Variants in RAD51B observed in about 807,000 individuals in gnomAD.
RAD51B encodes DNA repair protein RAD51 homolog 2.
A neutral mutation model predicts 42.2 loss-of-function variants in RAD51B; 38 were observed. That is an observed-to-expected ratio of 0.90 (90% confidence interval 0.70 to 1.18). The LOEUF is 1.18. Among genes scored for constraint, RAD51B ranks in the 50% most tolerant of loss-of-function variants. The probability of loss-of-function intolerance (pLI) is 0.00; values close to 1 mark genes in which losing one functional copy is unlikely to be tolerated. For synonymous variants in RAD51B, 154 were observed against 145.2 expected (o/e 1.06, Z -0.43); for missense variants, 373 against 400.7 (o/e 0.93, Z 0.59).
intron 8 of RAD51B, among the ~76,000 whole-genome samples, chr14:68,307,315 A>G (rs2081887614): frequency 6.6e-6 from 1 of 152,192 alleles, no homozygotes; most frequent in African/African-American, 2.4e-5. Context: ...ATCATCTCTT[A>G]AAACTTAATT....
chr14:68,376,862 C>A, intron 8 of RAD51B, among the ~76,000 whole-genome samples: 1 of 152,174 alleles, frequency 6.6e-6, no homozygotes. Context: ...TGACCAAAAT[C>A]ATTGATTGGC....
chr14:68,566,819 T>G (rs1033444077), intron 10 of RAD51B, among the ~76,000 whole-genome samples: 2 of 152,152 alleles, frequency 1.3e-5, no homozygotes, highest in Non-Finnish European at 2.9e-5. Flanking sequence ...GCTTTCAAGA[T>G]TCTTCATTAT....
At position 68,557,589 on chromosome 14, in the gene RAD51B, G is replaced by T. The variant is rs569448100; in HGVS notation, c.1037-36896G>T. ...GTGCACATGGAGCCCCTAAATCATT[G>T]CTGACTGAGTAGATTTCCCAGGGTA... On this transcript the variant is annotated intron_variant, in intron 10 of 10. Coordinates refer to the RAD51B transcript ENST00000487270. Among the ~76,000 whole-genome samples, 23 of 152,310 alleles carry T rather than the reference G, an allele frequency of 1.5e-4. No individual in the cohort carries two copies. The South Asian group carries it at 4.6e-3, about 30-fold the overall frequency.
chr14:67,851,596 G>A (rs1753530596), intron 4 of RAD51B, among the ~76,000 whole-genome samples: 1 of 152,098 alleles, frequency 6.6e-6, no homozygotes. Context: ...CCTGGGGGCA[G>A]CAGGGGTGGC....
chr14:68,243,294 AAAAT>A (rs2080430461), intron 7 of RAD51B, among the ~76,000 whole-genome samples: 1 of 152,236 alleles, frequency 6.6e-6, no homozygotes, highest in African/African-American at 2.4e-5. Context: ...CGAAGGTTAA[AAAAT>A]AAAGCATTAT....
intron 7 of RAD51B, among the ~76,000 whole-genome samples, chr14:68,004,414 T>C (rs771191909): frequency 2.0e-5 from 3 of 151,872 alleles, no homozygotes; most frequent in Non-Finnish European, 4.4e-5. Context: ...GTAGTTTTTG[T>C]TTGTAGTACC....
chr14:67,844,794 A>G (rs2041555498), intron 4 of RAD51B, among the ~76,000 whole-genome samples: 1 of 151,470 alleles, frequency 6.6e-6, no homozygotes. Flanking sequence ...AACAGGCCCC[A>G]GTGTGTGATG....
chr14:68,337,651 G>A (rs1398653600), intron 8 of RAD51B, among the ~76,000 whole-genome samples: 1 of 152,200 alleles, frequency 6.6e-6, no homozygotes, highest in East Asian at 1.9e-4. Context: ...CAGACCAGCT[G>A]AATCAGAATC....
intron 8 of RAD51B, among the ~76,000 whole-genome samples, chr14:68,409,579 T>C (rs2084366200): frequency 6.6e-6 from 1 of 152,060 alleles, no homozygotes; most frequent in African/African-American, 2.4e-5. Context: ...GGCCAGTAGA[T>C]TGGATGCCAA....
chr14:68,151,823 CTTTT>C (rs71129868), intron 7 of RAD51B, among the ~76,000 whole-genome samples: 1 of 39,992 alleles, frequency 2.5e-5, no homozygotes, highest in African/African-American at 9.4e-5. Flanking sequence ...GTTATAAAGA[CTTTT>C]TTTTTTTTTT....
At chr14:68,266,034 T>C (rs2080985516) in intron 7 of RAD51B, among the ~76,000 whole-genome samples, 1 of 152,232 alleles carries the variant, frequency 6.6e-6, no homozygotes, top group African/African-American at 2.4e-5. Flanking sequence ...AAATTTGTTC[T>C]TTATTTGTAT....
At chr14:68,072,948 C>A (rs1595360826) in intron 7 of RAD51B, among the ~76,000 whole-genome samples, 1 of 152,078 alleles carries the variant, frequency 6.6e-6, no homozygotes, top group African/African-American at 2.4e-5. Flanking sequence ...GCTTTGTGTT[C>A]TAGTGTGTGG....
intron 8 of RAD51B, among the ~76,000 whole-genome samples, chr14:68,354,162 T>C (rs926913296): frequency 7.9e-5 from 12 of 152,158 alleles, no homozygotes; most frequent in African/African-American, 2.7e-4. Context: ...GTGGTGTGTA[T>C]ATTATAAGAA....
chr14:68,414,136 A>T (rs2084489424), intron 9 of RAD51B, among the ~76,000 whole-genome samples: 1 of 152,150 alleles, frequency 6.6e-6, no homozygotes, highest in Admixed American at 6.5e-5. Context: ...CAAGAGCTGA[A>T]TTGTGTTGTC....
chr14:68,311,490 T>C (rs2081966699), intron 8 of RAD51B, among the ~76,000 whole-genome samples: 1 of 152,200 alleles, frequency 6.6e-6, no homozygotes, highest in African/African-American at 2.4e-5. Flanking sequence ...CAGCTCAAGA[T>C]CACCTTTTTT....
intron 8 of RAD51B, among the ~76,000 whole-genome samples, chr14:68,400,896 G>A (rs984908710): frequency 1.3e-5 from 2 of 152,062 alleles, no homozygotes; most frequent in African/African-American, 2.4e-5. Context: ...CACCATTCAG[G>A]ATTTTTTTTT....
At chr14:68,494,428 G>A (rs1273669448) in intron 10 of RAD51B, among the ~76,000 whole-genome samples, 2 of 152,018 alleles carry the variant, frequency 1.3e-5, no homozygotes, top group Non-Finnish European at 2.9e-5. Flanking sequence ...AGCATTCCCC[G>A]AGGCACTCTA....
intron 9 of RAD51B, among the ~76,000 whole-genome samples, chr14:68,459,462 G>A (rs1381979812): frequency 1.3e-5 from 2 of 152,188 alleles, no homozygotes; most frequent in Admixed American, 6.5e-5. Context: ...TATTAGCCTA[G>A]GACTCCAGTT....
chr14:68,180,175 C>T (rs2079036545), intron 7 of RAD51B, among the ~76,000 whole-genome samples: 1 of 152,154 alleles, frequency 6.6e-6, no homozygotes, highest in Admixed American at 6.5e-5. Flanking sequence ...TAAAATACCC[C>T]AACTTTGAAT....
Sources: allele counts gnomAD v4.1 joint callset (sites outside exome capture counted in the v4.1 genomes callset), GRCh38; gene constraint gnomAD v4.1.1; transcripts MANE v1.5; gene names NCBI Gene and HGNC (gene_info 2026-07-23, HGNC 2026-07-21).